MSH3: variants seen among roughly 807,000 people sequenced by gnomAD.
The protein encoded by MSH3 is DNA mismatch repair protein Msh3.
A neutral mutation model predicts 123.3 loss-of-function variants in MSH3; 106 were observed. The ratio of observed to expected loss-of-function variants is 0.86; its 90% CI spans 0.73 to 1.01. The LOEUF (loss-of-function observed/expected upper bound fraction) is 1.01, where lower values mean the gene tolerates loss of function less well. MSH3 is among the 50% of genes least tolerant of loss of function. The pLI is 0.00. For missense variants in MSH3, 1,459 were observed against 1,347.6 expected, an observed-to-expected ratio of 1.08 and a Z score of -1.29; for synonymous variants, 515 against 481.4, an observed-to-expected ratio of 1.07 and a Z score of -0.91.
intron 8 of MSH3, among the ~76,000 whole-genome samples, chr5:80,706,946 A>G (rs1457799517): frequency 6.6e-6 from 1 of 152,242 alleles, no homozygotes; most frequent in Non-Finnish European, 1.5e-5. Flanking sequence ...AGATACACAC[A>G]TCAATATAAC....
intron 2 of MSH3, among the ~76,000 whole-genome samples, chr5:80,659,717 A>G: frequency 6.6e-6 from 1 of 152,202 alleles, no homozygotes; most frequent in East Asian, 1.9e-4. Context: ...ACCCACCACC[A>G]CCATCCATCT....
chr5:80,826,749 ACATTGGG>A, intron 20 of MSH3, among the ~76,000 whole-genome samples: 1 of 152,122 alleles, frequency 6.6e-6, no homozygotes, highest in South Asian at 2.1e-4. Flanking sequence ...GAGTTTCACC[ACATTGGG>A]CAAGCTGGTC....
At chr5:80,788,824 T>G (rs374823004) in intron 18 of MSH3, among the ~76,000 whole-genome samples, 45 of 150,878 alleles carry the variant, frequency 3.0e-4, no homozygotes, top group South Asian at 1.3e-3. Flanking sequence ...AAAAGAGAGA[T>G]AGAATTTAAA....
In MSH3 at chr5:80,812,065, A is replaced by G. The variant is rs148748889; in HGVS notation, c.2656-1519A>G. Among the ~76,000 whole-genome samples the G allele has an allele frequency of 5.9e-5, 9 of 152,284 alleles. 1 individual carries two copies. Among genetic ancestry groups the G allele is most frequent in the African/African-American group, 1.9e-4 (8 of 41,560 alleles). Reference sequence around the variant, plus strand: ...GTCACAAGAAACACAGGTATACTCAAGTTCCTTCAAGTAATGGAGATATAT... The same window carrying G: ...GTCACAAGAAACACAGGTATACTCAGGTTCCTTCAAGTAATGGAGATATAT... On this transcript the variant is annotated intron_variant, in intron 19 of 23. Transcript: ENST00000265081.
rs1650694 is a variant in MSH3, at chr5:80,656,607, G to C, written c.358+76G>C. The C allele has an allele frequency of 0.26, 413,563 of 1,586,528 alleles. 56,530 individuals are homozygous for C. Among genetic ancestry groups the C allele is most frequent in the Middle Eastern group, 0.42 (2,509 of 5,974 alleles). ...GGAATTCTCCAGAGGGCAGAAGAGC[G>C]TATTAGAATTGTGTCTTTTTTCTTT... On this transcript the variant is annotated intron_variant, in intron 2 of 23. Coordinates refer to ENST00000265081, the MANE Select transcript of MSH3 (RefSeq NM_002439.5).
chr5:80,836,710 A>G (rs1482583252), intron 20 of MSH3, among the ~76,000 whole-genome samples: 3 of 151,660 alleles, frequency 2.0e-5, no homozygotes, highest in African/African-American at 7.3e-5. Context: ...ACTTTAAATC[A>G]TCTCCAGGTT....
intron 17 of MSH3, among the ~76,000 whole-genome samples, chr5:80,783,883 A>G (rs11955300): frequency 6.6e-6 from 1 of 152,166 alleles, no homozygotes; most frequent in East Asian, 1.9e-4. Context: ...AGCATACGCC[A>G]CAGTGCAAGA....
At chr5:80,823,800 A>G (rs1208058745) in intron 20 of MSH3, among the ~76,000 whole-genome samples, 1 of 152,152 alleles carries the variant, frequency 6.6e-6, no homozygotes, top group African/African-American at 2.4e-5. Context: ...CAGATAAACA[A>G]GTGAACAAAG....
chr5:80,753,183 C>T (rs983127993), intron 12 of MSH3, among the ~76,000 whole-genome samples: 1 of 152,104 alleles, frequency 6.6e-6, no homozygotes, highest in Non-Finnish European at 1.5e-5. Context: ...CTAGAAAGCC[C>T]ATGTTGAACT....
rs146523896 is a variant in MSH3, at chr5:80,654,838, C to A, written c.111C>A (p.Thr37=). ...AGTCTACGGGAAGCCTGAAATCCAC[C>A]TCCTCCTCCACAGGTGCAGCCGACC... ...FFQSTGSLKS[T]SSSTGAADQV... is the part of the protein sequence containing the mutation. The change falls in exon 1 of 24, where the codon ACC becomes ACA. Residue 37 remains threonine, a synonymous_variant. Coordinates refer to ENST00000265081, the MANE Select transcript of MSH3 (RefSeq NM_002439.5). 1 of 1,605,532 alleles carries A rather than the reference C, an allele frequency of 6.2e-7. No homozygotes were observed. Among genetic ancestry groups the A allele is most frequent in the Admixed American group, 1.7e-5 (1 of 59,314 alleles).
At chr5:80,869,170 A>C (rs1359131723) in intron 22 of MSH3, among the ~76,000 whole-genome samples, 1 of 152,242 alleles carries the variant, frequency 6.6e-6, no homozygotes, top group Non-Finnish European at 1.5e-5. Context: ...ATCTGTTCTA[A>C]AAGCAACTTC....
At chr5:80,819,966 A>C (rs967723194) in intron 20 of MSH3, among the ~76,000 whole-genome samples, 1 of 152,212 alleles carries the variant, frequency 6.6e-6, no homozygotes, top group Non-Finnish European at 1.5e-5. Flanking sequence ...AGTAAGGGAG[A>C]TGGAGAAGCA....
chr5:80,861,354 C>A (rs1746010757), intron 21 of MSH3, among the ~76,000 whole-genome samples: 1 of 152,108 alleles, frequency 6.6e-6, no homozygotes, highest in African/African-American at 2.4e-5. Flanking sequence ...CCTCCCACCC[C>A]TCAGGTGGGA....
chr5:80,755,665 A>G (rs946268399), intron 12 of MSH3, among the ~76,000 whole-genome samples: 4 of 152,202 alleles, frequency 2.6e-5, no homozygotes, highest in Admixed American at 2.6e-4. Context: ...ACAGATGGAA[A>G]AAGGAACTGG....
intron 15 of MSH3, among the ~76,000 whole-genome samples, chr5:80,771,844 A>T (rs1744217596): frequency 6.6e-6 from 1 of 152,218 alleles, no homozygotes; most frequent in African/African-American, 2.4e-5. Context: ...TTAGAATACT[A>T]AAGCCTTATT....
intron 19 of MSH3, among the ~76,000 whole-genome samples, chr5:80,807,975 T>G (rs920610879): frequency 6.6e-6 from 1 of 152,192 alleles, no homozygotes; most frequent in African/African-American, 2.4e-5. Flanking sequence ...TGTAATGAAA[T>G]GACATTATTT....
At chr5:80,769,130 A>C (rs1561471809) in intron 15 of MSH3, 127 bp downstream of exon 15, 1 of 825,802 alleles carries the variant, frequency 1.2e-6, no homozygotes, top group Non-Finnish European at 1.9e-6. Context: ...TATTCCTTGG[A>C]AATATGTTGT....
rs182843592 is a variant in MSH3 at position 80,665,805 on chromosome 5, G to A, written c.579+442G>A. 6.6e-5 allele frequency among the ~76,000 whole-genome samples: 10 copies of A among 152,246 alleles called. 1 individual carries two copies. The highest frequency in any genetic ancestry group is 6.5e-4 in the Admixed American group (10 of 15,284). On this transcript the variant is annotated intron_variant, in intron 3 of 23. Coordinates refer to ENST00000265081, the MANE Select transcript of MSH3 (RefSeq NM_002439.5). ...TCAAATGTAAGCCAAATGAACATGGGCTTTTTACTTTATCCACTATTTGTT... is the reference window on the plus strand; with the variant it reads ...TCAAATGTAAGCCAAATGAACATGGACTTTTTACTTTATCCACTATTTGTT...
At chr5:80,869,341 G>T (rs1277963760) in intron 22 of MSH3, among the ~76,000 whole-genome samples, 1 of 152,134 alleles carries the variant, frequency 6.6e-6, no homozygotes. Context: ...GTCCATTTAA[G>T]AAATGGCCAT....
Sources: gnomAD v4.1 joint callset for allele counts (sites outside exome capture counted in the v4.1 genomes callset) on GRCh38, gnomAD v4.1.1 for gene constraint, MANE v1.5 for transcripts, NCBI Gene and HGNC (gene_info 2026-07-23, HGNC 2026-07-21) for gene names.